Variants in INTS10 observed in about 807,000 individuals in gnomAD.
The protein encoded by INTS10 is integrator complex subunit 10.
Under a neutral mutation model 94.4 loss-of-function variants are expected in INTS10, and 44 were observed. The observed-to-expected ratio is 0.47, with a 90% CI of 0.37 to 0.60. INTS10 has a LOEUF of 0.60. Ranked by LOEUF, INTS10 falls within the 20% of genes least tolerant of loss-of-function variation. INTS10 has a pLI of 0.00. For synonymous variants in INTS10, 341 were observed against 320.7 expected, an observed-to-expected ratio of 1.06 and a Z score of -0.68; for missense variants, 797 against 868.7, an observed-to-expected ratio of 0.92 and a Z score of 1.04.
intron 1 of INTS10, 46 bp downstream of exon 1, chr8:19,817,712 G>C (rs750222865): frequency 6.4e-5 from 101 of 1,571,016 alleles, no homozygotes; most frequent in Non-Finnish European, 8.6e-5. Context: ...GGAGGTGCGC[G>C]CTCCCGTCGC....
At chr8:19,845,604 A>G (rs2068510440) in intron 15 of INTS10, 100 bp from the exon 16 acceptor site, 2 of 776,818 alleles carry the variant, frequency 2.6e-6, no homozygotes, top group African/African-American at 1.7e-5. Flanking sequence ...TTTTAGTGGG[A>G]TGGCAATGGG....
At position 19,838,378 on chromosome 8, in the gene INTS10, CAAGAAAGA is replaced by C. The variant is rs766607956; in HGVS notation, c.1639+1233_1639+1240del. On this transcript the variant is annotated intron_variant, in intron 13 of 16. Coordinates refer to ENST00000397977, the MANE Select transcript of INTS10 (RefSeq NM_018142.4). ...AAGAAAGAAAAGAAATCAGAATGTT[CAAGAAAGA>C]AAGAAAGAAAGAAAATAAATAAATC... Among the ~76,000 whole-genome samples the C allele has an allele frequency of 6.6e-5, 10 of 151,850 alleles. No individual in the cohort carries two copies. The South Asian group carries it at 1.5e-3, about 22-fold the overall frequency.
chr8:19,822,604 GA>G, intron 5 of INTS10, 84 bp downstream of exon 5: 1 of 805,096 alleles, frequency 1.2e-6, no homozygotes, highest in African/African-American at 1.7e-5. Flanking sequence ...GCTCATATAT[GA>G]AAGGCAAAGG....
chr8:19,831,982 C>A, intron 10 of INTS10, 46 bp from the exon 11 acceptor site: 1 of 1,098,094 alleles, frequency 9.1e-7, no homozygotes, highest in Non-Finnish European at 1.4e-6. Flanking sequence ...TTTTCTGCTT[C>A]TTTGCTGCAT....
chr8:19,842,783 T>A (rs2068234597), intron 13 of INTS10, 65 bp from the exon 14 acceptor site: 18 of 1,005,258 alleles, frequency 1.8e-5, no homozygotes, highest in African/African-American at 3.2e-5. Flanking sequence ...CTTAAACAGT[T>A]GCCTTTCAAA....
At position 19,820,175 on chromosome 8, in the gene INTS10, C is replaced by T. The variant is rs77794690; in HGVS notation, c.302-204C>T. Reference sequence around the variant, plus strand: ...TGTTTTTTGAATTTGATCAGTCTTGCAAATATTTTACCATTATTCAGCAAA... The same window carrying T: ...TGTTTTTTGAATTTGATCAGTCTTGTAAATATTTTACCATTATTCAGCAAA... On this transcript the variant is annotated intron_variant, in intron 3 of 16. Transcript: ENST00000397977. Among the ~76,000 whole-genome samples, 1,336 of 139,626 alleles carry T rather than the reference C, an allele frequency of 9.6e-3. 29 individuals are homozygous for T. Among genetic ancestry groups the T allele is most frequent in the African/African-American group, 0.037 (1,261 of 34,106 alleles). 91.6% of individuals were successfully genotyped at this position (139,626 alleles called of 152,430 possible).
chr8:19,823,512 ATGT>A, intron 6 of INTS10, 71 bp downstream of exon 6: 1 of 1,034,580 alleles, frequency 9.7e-7, no homozygotes, highest in East Asian at 2.4e-5. Flanking sequence ...AAACCCCTCA[ATGT>A]TCTGATTATT....
chr8:19,818,115 A>C (rs992672574), intron 1 of INTS10, 160 bp from the exon 2 acceptor site: 8 of 717,906 alleles, frequency 1.1e-5, no homozygotes, highest in Non-Finnish European at 2.0e-5. Flanking sequence ...TCACACTCTA[A>C]GCCCAATGGC....
rs1366823435 is a variant in INTS10, at chr8:19,849,114, G to A, written c.1977-2535G>A. 14 of 897,894 alleles carry A rather than the reference G, an allele frequency of 1.6e-5. No homozygotes were observed. The East Asian group carries it at 8.0e-4, about 51-fold the overall frequency. 55.6% of individuals were successfully genotyped at this position (897,894 alleles called of 1,614,324 possible). ...TGGAGTGTTGTTTTTGCAGTGCAGG[G>A]TGAGTCGGTGTGGGTGTTTGAATGC... On this transcript the variant is annotated intron_variant, in intron 16 of 16. Coordinates refer to ENST00000397977, the MANE Select transcript of INTS10 (RefSeq NM_018142.4). This position sits in a 1 kb window ranked among gnomAD's most constrained non-coding sequence, Gnocchi z 4.6.
intron 14 of INTS10, 45 bp from the exon 15 acceptor site, chr8:19,844,031 G>GTGAC: frequency 1.3e-6 from 2 of 1,492,260 alleles, no homozygotes; most frequent in African/African-American, 1.4e-5. Flanking sequence ...AGATTACCCT[G>GTGAC]TGACTTCCTT....
intron 8 of INTS10, among the ~76,000 whole-genome samples, chr8:19,825,685 G>A (rs1375142382): frequency 6.6e-6 from 1 of 152,086 alleles, no homozygotes; most frequent in Non-Finnish European, 1.5e-5. Context: ...AGAAATAAGA[G>A]TGAAATCACC....
chr8:19,848,400 T>G (rs2068752425), intron 16 of INTS10, among the ~76,000 whole-genome samples: 1 of 152,232 alleles, frequency 6.6e-6, no homozygotes, highest in African/African-American at 2.4e-5. Flanking sequence ...ACAGACCTTT[T>G]GCTCTTAAGT....
rs1322320828 is a variant in INTS10, at chr8:19,849,752, A to G, written c.1977-1897A>G. Among the ~76,000 whole-genome samples the G allele has an allele frequency of 6.6e-6, 1 of 152,148 alleles. No homozygotes were observed. Among genetic ancestry groups the G allele is most frequent in the Non-Finnish European group, 1.5e-5 (1 of 68,018 alleles). ...TACCTTTCTGAATTGAAAATATTTG[A>G]TAGGCTAAAATGCCACATTTATTAG... On this transcript the variant is annotated intron_variant, in intron 16 of 16. Transcript: ENST00000397977. This position sits in a 1 kb window ranked among gnomAD's most constrained non-coding sequence, Gnocchi z 4.6.
intron 16 of INTS10, among the ~76,000 whole-genome samples, chr8:19,847,180 G>GT (rs775121630): frequency 1.1e-4 from 16 of 152,110 alleles, no homozygotes; most frequent in African/African-American, 3.6e-4. Context: ...AGATTAAGTG[G>GT]TTTTTTCTCC....
At chr8:19,830,061 A>T (rs371842131) in intron 9 of INTS10, among the ~76,000 whole-genome samples, 38 of 152,234 alleles carry the variant, frequency 2.5e-4, no homozygotes, top group African/African-American at 8.7e-4. Context: ...AACTATAAAC[A>T]GGTGCTGTTT....
Position 19,851,522 on chromosome 8 carries a change from G to GAATATTAAAAATA in INTS10, c.1977-127_1977-126insAATATTAAAAATA. The GAATATTAAAAATA allele has an allele frequency of 1.2e-6, 1 of 855,708 alleles. No homozygotes were observed. 53.0% of individuals were successfully genotyped at this position (855,708 alleles called of 1,614,324 possible). A position where few individuals can be genotyped will look rare whatever the true frequency, so the allele number is the denominator to read the frequency against. ...TTTGGTTGGTTGCAGCTATTCTTGT[G>GAATATTAAAAATA]TTCTTTTTAAAATATCTGAAATTAT... is the stretch of plus-strand genomic sequence containing the variant. On this transcript the variant is annotated intron_variant, in intron 16 of 16. Coordinates refer to ENST00000397977, the MANE Select transcript of INTS10 (RefSeq NM_018142.4). The surrounding 1 kb of genome is among the most constrained non-coding windows in gnomAD (Gnocchi z 5.0).
At chr8:19,845,959 G>A in intron 16 of INTS10, 162 bp downstream of exon 16, 2 of 502,284 alleles carry the variant, frequency 4.0e-6, no homozygotes, top group Non-Finnish European at 7.1e-6. Flanking sequence ...TGAAAAACTT[G>A]CATTTCCTTA....
intron 12 of INTS10, among the ~76,000 whole-genome samples, chr8:19,836,225 G>GA (rs35537213): frequency 0.67 from 98,834 of 147,476 alleles, 32,954 homozygotes; most frequent in African/African-American, 0.73. Context: ...CATAAAAGAA[G>GA]AAAAAAAAAA....
chr8:19,828,796 A>T (rs920279878), intron 9 of INTS10, among the ~76,000 whole-genome samples: 1 of 151,856 alleles, frequency 6.6e-6, no homozygotes, highest in African/African-American at 2.4e-5. Context: ...GGTTCATGCA[A>T]TCCTCCCACC....
Sources: allele counts gnomAD v4.1 joint callset (sites outside exome capture counted in the v4.1 genomes callset), GRCh38; gene constraint gnomAD v4.1.1; non-coding constraint Gnocchi (gnomAD v3.1); transcripts MANE v1.5; gene names NCBI Gene and HGNC (gene_info 2026-07-23, HGNC 2026-07-21).